The following PUM1 variants were observed in gnomAD, a reference collection of about 807,000 sequenced individuals.
PUM1 encodes pumilio RNA binding family member 1.
In PUM1, 13 loss-of-function variants were observed where a neutral mutation model predicts 131.8. The ratio of observed to expected loss-of-function variants is 0.10; its 90% CI spans 0.06 to 0.16. PUM1 has a LOEUF of 0.16. PUM1 is among the 10% of genes least tolerant of loss of function. PUM1 has a pLI of 1.00. For synonymous variants in PUM1, 509 were observed against 556.5 expected (o/e 0.91, Z 1.20); for missense variants, 961 against 1,512.4 (o/e 0.64, Z 6.05).
chr1:30,946,360 C>T (rs1454977158), intron 17 of PUM1, among the ~76,000 whole-genome samples: 1 of 150,960 alleles, frequency 6.6e-6, no homozygotes, highest in Non-Finnish European at 1.5e-5. Context: ...AATCATAGGC[C>T]AGGTGCAGTG....
chr1:31,033,441 G>A (rs1006828712), intron 2 of PUM1, among the ~76,000 whole-genome samples: 3 of 145,954 alleles, frequency 2.1e-5, no homozygotes, highest in East Asian at 2.1e-4. Flanking sequence ...GCCGGACTGC[G>A]GACTGCAGTG....
chr1:30,953,572 T>C lies in PUM1; in HGVS notation c.2591+142A>G, dbSNP rs1640034464. On this transcript the variant is annotated intron_variant, in intron 15 of 21. Coordinates refer to ENST00000426105, the MANE Select transcript of PUM1 (RefSeq NM_001020658.2). ...TTCATGTTTGTTTCTTAAATCCCTA[T>C]GAAATAATGTGATGCAAACTAAGAG... 7 of 872,564 alleles carry C rather than the reference T, an allele frequency of 8.0e-6. No homozygotes were observed. In the South Asian group the frequency reaches 1.2e-4, roughly 15 times the overall value. The allele number at this position is 872,564 out of a possible 1,614,324, so 54.1% of individuals were successfully genotyped here. A position where few individuals can be genotyped will look rare whatever the true frequency, so the allele number is the denominator to read the frequency against.
At chr1:30,955,327 C>T (rs1209149439) in intron 14 of PUM1, among the ~76,000 whole-genome samples, 29 of 147,948 alleles carry the variant, frequency 2.0e-4, no homozygotes, top group Non-Finnish European at 3.7e-4. Context: ...ATTAGCTGGG[C>T]GTGGTGGCAG....
chr1:31,060,430 C>T (rs559438022), intron 1 of PUM1, among the ~76,000 whole-genome samples: 23 of 152,062 alleles, frequency 1.5e-4, no homozygotes, highest in Admixed American at 3.9e-4. Flanking sequence ...CACTGTACTC[C>T]AACCTGGGTG....
At chr1:31,062,446 C>T (rs1404043593) in intron 1 of PUM1, among the ~76,000 whole-genome samples, 1 of 152,048 alleles carries the variant, frequency 6.6e-6, no homozygotes, top group Non-Finnish European at 1.5e-5. Flanking sequence ...ATACTGAAAC[C>T]CCGTCTCTAC....
At chr1:31,033,376 C>CA (rs1643500509) in intron 2 of PUM1, among the ~76,000 whole-genome samples, 1 of 102,510 alleles carries the variant, frequency 9.8e-6, no homozygotes, top group Non-Finnish European at 1.9e-5. Flanking sequence ...AGCTAATTTT[C>CA]TTTTTTTTTT....
chr1:30,996,364 G>A (rs1641979195), intron 5 of PUM1, among the ~76,000 whole-genome samples: 1 of 152,182 alleles, frequency 6.6e-6, no homozygotes, highest in Non-Finnish European at 1.5e-5. Context: ...AATCAACAAT[G>A]GAGGACACAG....
At chr1:30,948,275 G>A (rs1054172519) in intron 17 of PUM1, among the ~76,000 whole-genome samples, 2 of 151,514 alleles carry the variant, frequency 1.3e-5, no homozygotes, top group Non-Finnish European at 2.9e-5. Context: ...AAGGAGAGAT[G>A]GCTTCCCTGG....
intron 2 of PUM1, among the ~76,000 whole-genome samples, chr1:31,029,957 T>C (rs886841208): frequency 2.6e-4 from 39 of 149,452 alleles, no homozygotes; most frequent in Non-Finnish European, 5.5e-4. Context: ...GGCTCAAGCC[T>C]GTAACCCCAG....
At chr1:30,938,284 G>A (rs1043047868) in intron 20 of PUM1, among the ~76,000 whole-genome samples, 11 of 151,856 alleles carry the variant, frequency 7.2e-5, no homozygotes, top group African/African-American at 2.2e-4. Context: ...AGACAGTCTC[G>A]CTCTGTCACC....
At chr1:31,006,739 C>G (rs913856497) in intron 4 of PUM1, among the ~76,000 whole-genome samples, 7 of 152,328 alleles carry the variant, frequency 4.6e-5, no homozygotes, top group South Asian at 2.1e-4. Context: ...AACGTTACAG[C>G]TGAAATTATG....
chr1:30,998,030 A>G (rs1360324674), intron 5 of PUM1, among the ~76,000 whole-genome samples: 1 of 152,212 alleles, frequency 6.6e-6, no homozygotes, highest in Non-Finnish European at 1.5e-5. Context: ...TCTACTCTGA[A>G]TAAGCTATTG....
chr1:31,002,753 G>A (rs745434787), intron 5 of PUM1, among the ~76,000 whole-genome samples: 3 of 152,178 alleles, frequency 2.0e-5, no homozygotes, highest in Admixed American at 6.5e-5. Context: ...AGATTCCTAT[G>A]TGGAATACTA....
intron 5 of PUM1, among the ~76,000 whole-genome samples, chr1:31,002,965 CAT>C (rs1314667457): frequency 1.3e-5 from 2 of 152,328 alleles, no homozygotes; most frequent in Admixed American, 6.5e-5. Flanking sequence ...TAAAACACTA[CAT>C]AGAGATTTAT....
At chr1:30,981,569 T>C (rs1267920643) in intron 7 of PUM1, among the ~76,000 whole-genome samples, 164 bp from the exon 8 acceptor site, 1 of 152,222 alleles carries the variant, frequency 6.6e-6, no homozygotes, top group Non-Finnish European at 1.5e-5. Flanking sequence ...AAATGTTTCA[T>C]ACTTCTGTTC....
Position 31,065,510 on chromosome 1 carries a change from A to T in PUM1, c.-12+106T>A. On this transcript the variant is annotated intron_variant, in intron 1 of 21. Coordinates refer to ENST00000426105, the MANE Select transcript of PUM1 (RefSeq NM_001020658.2). Reference sequence around the variant, plus strand: ...GCCAGGGCCCCGGCGGCTTTTCCAAAGCCCTTCTCACCCCCACAACCACTC... The same window carrying T: ...GCCAGGGCCCCGGCGGCTTTTCCAATGCCCTTCTCACCCCCACAACCACTC... 2.3e-6 allele frequency: 3 copies of T among 1,309,050 alleles called. No individual in the cohort carries two copies. In the Middle Eastern group the frequency reaches 6.2e-4, roughly 272 times the overall value. 81.1% of individuals were successfully genotyped at this position (1,309,050 alleles called of 1,614,324 possible).
At chr1:30,974,311 C>T (rs867222205) in intron 10 of PUM1, among the ~76,000 whole-genome samples, 7 of 152,138 alleles carry the variant, frequency 4.6e-5, no homozygotes, top group Non-Finnish European at 1.0e-4. Flanking sequence ...CTTGCAAAAC[C>T]CTGAAATGAT....
chr1:31,021,808 T>C (rs541366742), intron 3 of PUM1, among the ~76,000 whole-genome samples: 51 of 152,240 alleles, frequency 3.3e-4, no homozygotes, highest in African/African-American at 1.1e-3. Flanking sequence ...GGAGCTGATA[T>C]CTGAAGCTAA....
chr1:31,056,609 C>CTTTTCTTTTTTTTTTTTTT (rs1644245029), intron 2 of PUM1, among the ~76,000 whole-genome samples: 2 of 43,688 alleles, frequency 4.6e-5, no homozygotes, highest in Non-Finnish European at 8.0e-5. Context: ...CTTTTCTTTT[C>CTTTTCTTTTTTTTTTTTTT]TTTTTTTTTT....
Sources: gnomAD v4.1 joint callset for allele counts (sites outside exome capture counted in the v4.1 genomes callset) on GRCh38, gnomAD v4.1.1 for gene constraint, MANE v1.5 for transcripts, NCBI Gene and HGNC (gene_info 2026-07-23, HGNC 2026-07-21) for gene names.